GRID1: variants seen among roughly 807,000 people sequenced by gnomAD.
The protein encoded by GRID1 is glutamate ionotropic receptor delta type subunit 1.
Under a neutral mutation model 98.0 loss-of-function variants are expected in GRID1, and 28 were observed. The observed-to-expected ratio is 0.29, with a 90% CI of 0.21 to 0.39. The LOEUF is 0.39. GRID1 is among the 10% of genes least tolerant of loss of function. The pLI, the probability that GRID1 is intolerant of heterozygous loss-of-function variation, is 1.00. For missense variants in GRID1, 1,111 were observed against 1,340.5 expected (o/e 0.83, Z 2.67); for synonymous variants, 553 against 538.5 (o/e 1.03, Z -0.37).
chr10:85,667,308 C>CAT (rs974168265), intron 12 of GRID1, among the ~76,000 whole-genome samples: 4 of 146,338 alleles, frequency 2.7e-5, no homozygotes, highest in African/African-American at 1.0e-4. Flanking sequence ...TCTAAAATCA[C>CAT]ACACACACAG....
intron 8 of GRID1, among the ~76,000 whole-genome samples, chr10:85,820,141 CAGAAAGAAAGAAAGAA>C (rs71016112): frequency 5.2e-5 from 6 of 114,824 alleles, no homozygotes; most frequent in Non-Finnish European, 7.1e-5. Flanking sequence ...AAGAAAGAAA[CAGAAAGAAAGAAAGAA>C]AGAAAGAAAG....
chr10:86,357,158 A>G (rs1848543945), intron 2 of GRID1, among the ~76,000 whole-genome samples: 1 of 152,186 alleles, frequency 6.6e-6, no homozygotes, highest in Admixed American at 6.5e-5. Flanking sequence ...CAGGTCCAGA[A>G]GGGGAACTCT....
rs546085512 is a variant in GRID1 at position 85,863,609 on chromosome 10, A to G, written c.951+5401T>C. On this transcript the variant is annotated intron_variant, in intron 6 of 15. Transcript: ENST00000327946. ...TCCCTGGGAGCAGGATCAGGACCAG[A>G]GATAATAAGCATATAAACCCCCCAT... Among the ~76,000 whole-genome samples, 233 of 152,256 alleles carry G rather than the reference A, an allele frequency of 1.5e-3. 1 individual carries two copies. The highest frequency in any genetic ancestry group is 2.4e-3 in the Non-Finnish European group (164 of 68,020).
At chr10:85,972,521 C>T (rs1284503665) in intron 4 of GRID1, among the ~76,000 whole-genome samples, 1 of 148,904 alleles carries the variant, frequency 6.7e-6, no homozygotes, top group Non-Finnish European at 1.5e-5. Flanking sequence ...TTAATCACTA[C>T]ATAGGTATAA....
intron 4 of GRID1, among the ~76,000 whole-genome samples, chr10:86,073,240 G>A (rs2131922918): frequency 6.6e-6 from 1 of 152,302 alleles, no homozygotes; most frequent in East Asian, 1.9e-4. Flanking sequence ...TCATCACACA[G>A]CCTTTCTCTC....
chr10:86,115,123 C>A lies in GRID1; in HGVS notation c.726+23696G>T, dbSNP rs189776629. Among the ~76,000 whole-genome samples, 3 of 152,066 alleles carry A rather than the reference C, an allele frequency of 2.0e-5. No individual in the cohort carries two copies. In the East Asian group the frequency reaches 5.8e-4, roughly 29 times the overall value. ...ATACCTGGAGAGTTTGGGGAGATGG[C>A]GGCTTGTGAGAGACAAGGGGAAGAG... On this transcript the variant is annotated intron_variant, in intron 4 of 15. Transcript: ENST00000327946.
chr10:86,340,883 A>G (rs113253180), intron 2 of GRID1, among the ~76,000 whole-genome samples: 2,001 of 152,094 alleles, frequency 0.013, 33 homozygotes, highest in African/African-American at 0.04. Context: ...AAAGGCCTTC[A>G]CTCTGCCTCT....
At chr10:86,087,055 A>G (rs145960485) in intron 4 of GRID1, among the ~76,000 whole-genome samples, 148 of 152,294 alleles carry the variant, frequency 9.7e-4, no homozygotes, top group African/African-American at 3.4e-3. Flanking sequence ...CAAAATTACC[A>G]ATAGTTTAGG....
chr10:85,827,245 G>A (rs2131757773), intron 8 of GRID1, among the ~76,000 whole-genome samples: 1 of 152,254 alleles, frequency 6.6e-6, no homozygotes, highest in East Asian at 1.9e-4. Flanking sequence ...AGAATGATAT[G>A]GGAGCTGAAA....
At chr10:86,123,955 A>G (rs1189253217) in intron 4 of GRID1, among the ~76,000 whole-genome samples, 1 of 152,176 alleles carries the variant, frequency 6.6e-6, no homozygotes, top group Non-Finnish European at 1.5e-5. Flanking sequence ...AGGCGGCCTG[A>G]GTGCAGGGAG....
chr10:86,097,652 T>A (rs530489828), intron 4 of GRID1, among the ~76,000 whole-genome samples: 10 of 149,826 alleles, frequency 6.7e-5, no homozygotes, highest in South Asian at 2.1e-4. Flanking sequence ...TATAGCTAAA[T>A]GAAAAAAAAA....
intron 4 of GRID1, among the ~76,000 whole-genome samples, chr10:85,944,718 T>C (rs765739244): frequency 1.1e-4 from 16 of 152,212 alleles, no homozygotes; most frequent in Admixed American, 2.6e-4. Flanking sequence ...AAATGCTTAG[T>C]AAAATGTAGC....
intron 2 of GRID1, among the ~76,000 whole-genome samples, chr10:86,211,498 G>A (rs1846107690): frequency 6.6e-6 from 1 of 152,154 alleles, no homozygotes; most frequent in African/African-American, 2.4e-5. Flanking sequence ...GGGTGTGGGG[G>A]GTGCCCAGAC....
chr10:85,837,513 A>C (rs1842921410), intron 8 of GRID1, among the ~76,000 whole-genome samples: 1 of 152,166 alleles, frequency 6.6e-6, no homozygotes, highest in South Asian at 2.1e-4. Context: ...CCAGAGTTAG[A>C]GCATGCAGTC....
At chr10:85,656,801 G>A (rs1206873327) in intron 12 of GRID1, among the ~76,000 whole-genome samples, 1 of 152,080 alleles carries the variant, frequency 6.6e-6, no homozygotes, top group African/African-American at 2.4e-5. Context: ...CATCTTATCT[G>A]GACATTGAGA....
intron 12 of GRID1, among the ~76,000 whole-genome samples, chr10:85,721,650 A>G (rs1365465572): frequency 1.3e-5 from 2 of 152,224 alleles, no homozygotes; most frequent in East Asian, 3.9e-4. Flanking sequence ...AAAATTTTAG[A>G]GATGGAGTAC....
intron 3 of GRID1, among the ~76,000 whole-genome samples, chr10:86,145,092 T>C (rs113350587): frequency 0.037 from 5,630 of 152,326 alleles, 133 homozygotes; most frequent in Middle Eastern, 0.088. Flanking sequence ...ACAATTTATG[T>C]AACAGTTGCC....
intron 8 of GRID1, among the ~76,000 whole-genome samples, chr10:85,782,216 G>T (rs1172252731): frequency 6.6e-6 from 1 of 151,942 alleles, no homozygotes; most frequent in Admixed American, 6.6e-5. Context: ...GACAAGAAAT[G>T]TGAGTGCACA....
chr10:86,203,196 G>T (rs929912483), intron 3 of GRID1, among the ~76,000 whole-genome samples: 1 of 152,210 alleles, frequency 6.6e-6, no homozygotes, highest in African/African-American at 2.4e-5. Context: ...ACTTTGGAAA[G>T]AACAGAATAG....
Sources: gnomAD v4.1 joint callset for allele counts (sites outside exome capture counted in the v4.1 genomes callset) on GRCh38, gnomAD v4.1.1 for gene constraint, MANE v1.5 for transcripts, NCBI Gene and HGNC (gene_info 2026-07-23, HGNC 2026-07-21) for gene names.